GPHN: variants seen among roughly 807,000 people sequenced by gnomAD.
GPHN encodes gephyrin.
In GPHN, 17 loss-of-function variants were observed where a neutral mutation model predicts 95.5. The observed-to-expected ratio is 0.18, with a 90% CI of 0.12 to 0.27. The LOEUF is 0.27. GPHN is among the 10% of genes least tolerant of loss of function. The probability of loss-of-function intolerance (pLI) is 1.00; values close to 1 mark genes in which losing one functional copy is unlikely to be tolerated. For synonymous variants in GPHN, 320 were observed against 322.5 expected, an observed-to-expected ratio of 0.99 and a Z score of 0.08; for missense variants, 660 against 978.1, an observed-to-expected ratio of 0.67 and a Z score of 4.34.
the GPHN span, chr14:67,374,547 T>C: frequency 6.2e-7 from 1 of 1,600,514 alleles, no homozygotes; most frequent in Non-Finnish European, 8.5e-7. Context: ...AATCCAAAAC[T>C]GTAAGTTGAT....
intron 10 of GPHN, among the ~76,000 whole-genome samples, chr14:67,051,762 T>C (rs1436638365): frequency 6.6e-6 from 1 of 152,192 alleles, no homozygotes; most frequent in African/African-American, 2.4e-5. Context: ...AGTGGACCTC[T>C]CAGCAGAAAC....
At chr14:67,689,671 C>T in the GPHN span, among the ~76,000 whole-genome samples, 62 of 152,246 alleles carry the variant, frequency 4.1e-4, no homozygotes, top group South Asian at 8.3e-4. Context: ...TGGCCAGGTG[C>T]GGTGGCTCAC....
rs750577325 is a variant in GPHN, at chr14:67,168,950, G to T, written c.1993G>T (p.Val665Leu). 2 of 1,611,056 alleles carry T rather than the reference G, an allele frequency of 1.2e-6. No individual in the cohort carries two copies. The highest frequency in any genetic ancestry group is 4.5e-5 in the East Asian group (2 of 44,864). Residue 665 changes from valine to leucine, a missense_variant, in exon 21 of 23, where the codon GTG (valine) becomes TTG (leucine). This residue lies in a region of GPHN where 257 missense variants were observed against 376.2 expected (regional missense o/e 0.68). Coordinates refer to ENST00000478722, the MANE Select transcript of GPHN (RefSeq NM_020806.5). Reference protein sequence around the residue: ...FALPGNPVSAVVTCNLFVVPA... With the variant: ...FALPGNPVSALVTCNLFVVPA... ...ACTTTCAGGGAATCCTGTATCGGCT[G>T]TGGTCACCTGCAATCTCTTTGTTGT... is the stretch of plus-strand genomic sequence containing the variant.
At chr14:67,391,271 A>G in the GPHN span, among the ~76,000 whole-genome samples, 26,573 of 143,750 alleles carry the variant, frequency 0.18, 3,852 homozygotes, top group East Asian at 0.42. Context: ...AGCAGCTGAT[A>G]TGTGTGTGTG....
the GPHN span, among the ~76,000 whole-genome samples, chr14:67,624,983 A>T: frequency 4.7e-4 from 71 of 152,310 alleles, no homozygotes; most frequent in Non-Finnish European, 8.7e-4. Flanking sequence ...TTACTGCAAA[A>T]GGGAGAACAG....
chr14:67,414,157 T>C, the GPHN span, among the ~76,000 whole-genome samples: 1 of 152,232 alleles, frequency 6.6e-6, no homozygotes, highest in African/African-American at 2.4e-5. Context: ...AGTGGCATTT[T>C]CTTTGGCAGG....
the GPHN span, chr14:67,199,558 C>A: frequency 1.3e-6 from 2 of 1,598,020 alleles, no homozygotes; most frequent in African/African-American, 2.7e-5. Context: ...ATGGGCAGTA[C>A]CTCTGTAACC....
In GPHN at chr14:67,050,264, A is replaced by G. The variant is rs1366436372; in HGVS notation, c.1007-8385A>G. Reference sequence around the variant, plus strand: ...TACAAATTATTTTTCCGGTGAGGTAATCACTTTATGACAAAGACTTTATAA... The same window carrying G: ...TACAAATTATTTTTCCGGTGAGGTAGTCACTTTATGACAAAGACTTTATAA... On this transcript the variant is annotated intron_variant, in intron 10 of 22. Transcript: ENST00000478722. Among the ~76,000 whole-genome samples, 4 of 152,248 alleles carry G rather than the reference A, an allele frequency of 2.6e-5. No homozygotes were observed. In the East Asian group the frequency reaches 7.7e-4, roughly 29 times the overall value.
intron 10 of GPHN, among the ~76,000 whole-genome samples, chr14:67,036,462 A>T (rs2074425768): frequency 6.8e-6 from 1 of 147,816 alleles, no homozygotes; most frequent in African/African-American, 2.5e-5. Context: ...ACATGATCTT[A>T]TGTAGAAAAC....
At chr14:66,938,645 G>A (rs1682852017) in intron 8 of GPHN, among the ~76,000 whole-genome samples, 1 of 152,102 alleles carries the variant, frequency 6.6e-6, no homozygotes, top group Non-Finnish European at 1.5e-5. Flanking sequence ...TCAAGTATTA[G>A]TACTTTGAAG....
At chr14:67,529,112 A>G in the GPHN span, among the ~76,000 whole-genome samples, 1 of 152,094 alleles carries the variant, frequency 6.6e-6, no homozygotes, top group Non-Finnish European at 1.5e-5. Flanking sequence ...GATTCCAATA[A>G]TATGCCAGGC....
At chr14:67,570,311 C>A in the GPHN span, 1 of 978,534 alleles carries the variant, frequency 1.0e-6, no homozygotes, top group Non-Finnish European at 1.2e-6. Context: ...TCCCAGAGGG[C>A]AGTGGGGCTC....
chr14:67,281,444 T>C, the GPHN span, among the ~76,000 whole-genome samples: 1 of 152,170 alleles, frequency 6.6e-6, no homozygotes, highest in Non-Finnish European at 1.5e-5. Context: ...CTGAGGGTTT[T>C]ATTAGAGTAA....
At chr14:67,592,812 GTC>G in the GPHN span, 13 of 808,462 alleles carry the variant, frequency 1.6e-5, no homozygotes, top group Non-Finnish European at 2.0e-5. Context: ...TTGAGACAGA[GTC>G]TCTCTCTGTT....
At chr14:66,814,047 AG>A (rs1220813121) in intron 3 of GPHN, among the ~76,000 whole-genome samples, 1 of 152,168 alleles carries the variant, frequency 6.6e-6, no homozygotes, top group African/African-American at 2.4e-5. Flanking sequence ...ATGTCTACAC[AG>A]GTGGCTTTTG....
chr14:67,502,007 C>A, the GPHN span, among the ~76,000 whole-genome samples: 2 of 152,144 alleles, frequency 1.3e-5, no homozygotes, highest in Non-Finnish European at 2.9e-5. Flanking sequence ...GGACTGTGGG[C>A]CTTAATAGCA....
the GPHN span, among the ~76,000 whole-genome samples, chr14:67,312,948 C>T: frequency 6.6e-6 from 1 of 152,100 alleles, no homozygotes; most frequent in Non-Finnish European, 1.5e-5. Flanking sequence ...TATTGTAGTA[C>T]ATTTCCTGTA....
At chr14:67,343,546 C>A in the GPHN span, 1 of 822,438 alleles carries the variant, frequency 1.2e-6, no homozygotes, top group Non-Finnish European at 1.9e-6. Flanking sequence ...AGAACCAAGA[C>A]AACTTCTTTT....
chr14:67,188,536 A>C, the GPHN span, among the ~76,000 whole-genome samples: 5 of 152,240 alleles, frequency 3.3e-5, no homozygotes, highest in Non-Finnish European at 1.5e-5. Context: ...ATCATGCAAT[A>C]AGTATGCTCA....
Sources: gnomAD v4.1 joint callset for allele counts (sites outside exome capture counted in the v4.1 genomes callset) on GRCh38, gnomAD v4.1.1 for gene constraint, gnomAD v4.1.1 regional missense constraint, MANE v1.5 for transcripts, NCBI Gene and HGNC (gene_info 2026-07-23, HGNC 2026-07-21) for gene names.